Variants in U2AF1L4 observed in about 807,000 individuals in gnomAD.
U2AF1L4 encodes the protein splicing factor U2AF 26 kDa subunit.
A neutral mutation model predicts 21.7 loss-of-function variants in U2AF1L4; 21 were observed. That is an observed-to-expected ratio of 0.97 (90% CI 0.69 to 1.39). U2AF1L4 has a LOEUF of 1.39. U2AF1L4 is among the 40% of genes most tolerant of loss of function. The probability of loss-of-function intolerance (pLI) is 0.00; values close to 1 mark genes in which losing one functional copy is unlikely to be tolerated. For missense variants in U2AF1L4, 259 were observed against 245.7 expected (o/e 1.05, Z -0.36); for synonymous variants, 92 against 89.7 (o/e 1.03, Z -0.15).
Position 35,744,310 on chromosome 19 carries a change from G to A in U2AF1L4, c.231+13C>T, listed in dbSNP as rs371520231. ...CCTCCACTTCTGGGCCCTAAGTGGGGGGCAGCAAGCACCTTGACATAGACG... is the reference window on the plus strand; with the variant it reads ...CCTCCACTTCTGGGCCCTAAGTGGGAGGCAGCAAGCACCTTGACATAGACG... On this transcript the variant is annotated intron_variant, in intron 3 of 5. Coordinates refer to ENST00000378975, the MANE Select transcript of U2AF1L4 (RefSeq NM_001040425.3). The A allele has an allele frequency of 2.5e-6, 4 of 1,613,930 alleles. No individual in the cohort carries two copies. Among genetic ancestry groups the A allele is most frequent in the African/African-American group, 1.3e-5 (1 of 75,022 alleles).
chr19:35,744,601 C>A (rs1368490756), intron 2 of U2AF1L4, 180 bp from the exon 3 acceptor site: 1 of 1,538,640 alleles, frequency 6.5e-7, no homozygotes, highest in Admixed American at 2.0e-5. Context: ...GTTCACCTTG[C>A]CCCCAGGCCT....
intron 1 of U2AF1L4, 49 bp downstream of exon 1, chr19:35,745,299 T>C (rs944918445): frequency 6.3e-7 from 1 of 1,575,402 alleles, no homozygotes; most frequent in East Asian, 2.2e-5. Flanking sequence ...AGGACCCCAG[T>C]ACCCCGGCCC....
At chr19:35,742,518 A>G, downstream of U2AF1L4, 1 of 1,601,976 alleles carries the variant, frequency 6.2e-7, no homozygotes, top group East Asian at 2.2e-5. Flanking sequence ...AAACCACAGC[A>G]AAAGCAAGTT....
At chr19:35,743,686 CAAAAAA>C (rs36076889) in intron 5 of U2AF1L4, 117 bp downstream of exon 5, 196 of 494,634 alleles carry the variant, frequency 4.0e-4, no homozygotes, top group Middle Eastern at 1.6e-3. Flanking sequence ...GGCTCCATCT[CAAAAAA>C]AAAAAAAAAA....
rs1315238413 is a variant in U2AF1L4 at position 35,745,108 on chromosome 19, T to C, written c.132+17A>G. Reference sequence around the variant, plus strand: ...CCAGGGAGCCGTTAACCCCCGAGGCTCCGTGCCGGGTCTCACCTGGCTGAA... The same window carrying C: ...CCAGGGAGCCGTTAACCCCCGAGGCCCCGTGCCGGGTCTCACCTGGCTGAA... On this transcript the variant is annotated intron_variant, in intron 2 of 5. Coordinates refer to ENST00000378975, the MANE Select transcript of U2AF1L4 (RefSeq NM_001040425.3). 1.2e-6 allele frequency: 2 copies of C among 1,611,566 alleles called. No individual in the cohort carries two copies. Among genetic ancestry groups the C allele is most frequent in the Non-Finnish European group, 8.5e-7 (1 of 1,179,440 alleles).
chr19:35,743,385 A>C lies in U2AF1L4; in HGVS notation c.461+424T>G, dbSNP rs140442470. On this transcript the variant is annotated intron_variant, in intron 5 of 5. Coordinates refer to ENST00000378975, the MANE Select transcript of U2AF1L4 (RefSeq NM_001040425.3). ...CAAAACTCCGTCTCAAAAAAAAAAA[A>C]AAAAAAAAAAAAAAAAAACAGTCAG... 3.7e-4 allele frequency: 55 copies of C among 147,858 alleles called. 1 individual carries two copies. Among genetic ancestry groups the C allele is most frequent in the South Asian group, 9.0e-4 (11 of 12,228 alleles). 9.2% of individuals were successfully genotyped at this position (147,858 alleles called of 1,614,324 possible). A position where few individuals can be genotyped will look rare whatever the true frequency, so the allele number is the denominator to read the frequency against.
At chr19:35,743,716 G>C (rs1395325670) in intron 5 of U2AF1L4, 93 bp downstream of exon 5, 2 of 908,558 alleles carry the variant, frequency 2.2e-6, no homozygotes, top group Non-Finnish European at 3.4e-6. Context: ...AAAGATTCTT[G>C]GGAACGTGGT....
chr19:35,744,636 G>A (rs143169961), intron 2 of U2AF1L4: 5 of 1,536,514 alleles, frequency 3.3e-6, no homozygotes, highest in East Asian at 4.9e-5. Flanking sequence ...AGTGTGATCC[G>A]TCTGCAGTTT....
At chr19:35,745,276 C>T in intron 1 of U2AF1L4, 64 bp from the exon 2 acceptor site, 1 of 1,598,640 alleles carries the variant, frequency 6.3e-7, no homozygotes. Context: ...CCAGAAACAC[C>T]GCCCCACCAC....
At position 35,744,642 on chromosome 19, in the gene U2AF1L4, A is replaced by C. The variant is rs1008951236; in HGVS notation, c.133-221T>G. ...CTTACTCACAGTGTGATCCGTCTGC[A>C]GTTTGGGCTGTGTTCTGTGGATTCC... On this transcript the variant is annotated intron_variant, in intron 2 of 5. Coordinates refer to ENST00000378975, the MANE Select transcript of U2AF1L4 (RefSeq NM_001040425.3). 5.9e-6 allele frequency: 9 copies of C among 1,536,216 alleles called. No homozygotes were observed. In the African/African-American group the frequency reaches 1.2e-4, roughly 21 times the overall value.
At chr19:35,744,246 G>A in intron 3 of U2AF1L4, 77 bp downstream of exon 3, 5 of 1,606,502 alleles carry the variant, frequency 3.1e-6, no homozygotes, top group Non-Finnish European at 4.3e-6. Flanking sequence ...TGAAATTCAA[G>A]CTGAGAGCCT....
At position 35,742,701 on chromosome 19, in the gene U2AF1L4, G is replaced by T. The variant is rs746832247; in HGVS notation, c.*18C>A. On this transcript the variant is annotated 3_prime_UTR_variant, in exon 6 of 6. Transcript: ENST00000378975. The stretch of plus-strand genomic sequence containing the variant: ...ACATCTGTCCCTGTTGGGGGTGAAG[G>T]GTAAGGGGGCCAGGGCCTCAGAAGC... The T allele has an allele frequency of 6.2e-7, 1 of 1,611,654 alleles. No homozygotes were observed. The highest frequency in any genetic ancestry group is 1.1e-5 in the South Asian group (1 of 90,986).
chr19:35,743,377 A>T (rs1202228491), intron 5 of U2AF1L4: 1 of 108,910 alleles, frequency 9.2e-6, no homozygotes, highest in Admixed American at 9.7e-5. Flanking sequence ...CCGTCTCAAA[A>T]AAAAAAAAAA....
chr19:35,745,281 C>A lies in U2AF1L4; in HGVS notation c.44+67G>T, dbSNP rs1405951289. 4 of 1,599,560 alleles carry A rather than the reference C, an allele frequency of 2.5e-6. No homozygotes were observed. In the East Asian group the frequency reaches 6.7e-5, roughly 27 times the overall value. The stretch of plus-strand genomic sequence containing the variant: ...GCTGGGCACCCCAGAAACACCGCCC[C>A]ACCACCCAGGACCCCAGTACCCCGG... On this transcript the variant is annotated intron_variant, in intron 1 of 5. Coordinates refer to ENST00000378975, the MANE Select transcript of U2AF1L4 (RefSeq NM_001040425.3).
rs1307350784 is a variant in U2AF1L4, at chr19:35,743,843, G to A, written c.427C>T (p.Gln143Ter). 3 of 1,613,300 alleles carry A rather than the reference G, an allele frequency of 1.9e-6. No homozygotes were observed. Among genetic ancestry groups the A allele is most frequent in the Admixed American group, 3.3e-5 (2 of 59,898 alleles). ...GGTCCCCGCCCATAGAGCTGCCTCTGGAGGTTCTGGGAAATGGGCCGCAGA... is the reference window on the plus strand; with the variant it reads ...GGTCCCCGCCCATAGAGCTGCCTCTAGAGGTTCTGGGAAATGGGCCGCAGA... ...MHLRPISQNL[Q>*]RQLYGRGPRR... Residue 143 changes from glutamine to a stop codon, truncating the protein, a stop_gained, in exon 5 of 6, where the codon CAG (glutamine) becomes TAG (stop). Coordinates refer to ENST00000378975, the MANE Select transcript of U2AF1L4 (RefSeq NM_001040425.3). LOFTEE classifies it low-confidence loss of function (END_TRUNC).
In U2AF1L4 at chr19:35,745,250, G is replaced by A. The variant is rs776535892; in HGVS notation, c.45-38C>T. 2.5e-6 allele frequency: 4 copies of A among 1,606,618 alleles called. No homozygotes were observed. The South Asian group carries it at 4.4e-5, about 18-fold the overall frequency. The stretch of plus-strand genomic sequence containing the variant: ...CAAAGACAAAGGTGAACCGAGGGCC[G>A]GGGAAGCTGGGCACCCCAGAAACAC... On this transcript the variant is annotated intron_variant, in intron 1 of 5. Coordinates refer to ENST00000378975, the MANE Select transcript of U2AF1L4 (RefSeq NM_001040425.3).
intron 5 of U2AF1L4, 26 bp from the exon 6 acceptor site, chr19:35,742,829 T>A (rs1169377891): frequency 1.3e-6 from 2 of 1,598,610 alleles, no homozygotes; most frequent in South Asian, 2.2e-5. Context: ...TTGAGAGTTC[T>A]GTTAGAACCC....
intron 5 of U2AF1L4, 184 bp from the exon 6 acceptor site, chr19:35,742,987 C>A: frequency 3.1e-6 from 2 of 652,312 alleles, no homozygotes; most frequent in Non-Finnish European, 2.7e-6. Flanking sequence ...GCAATCCAGG[C>A]TGGTCGTGGA....
At chr19:35,745,020 G>C in intron 2 of U2AF1L4, 105 bp downstream of exon 2, 1 of 1,135,764 alleles carries the variant, frequency 8.8e-7, no homozygotes, top group Non-Finnish European at 1.3e-6. Context: ...CCGGGCGGTG[G>C]GGAGGGACTC....
Sources: allele counts gnomAD v4.1 joint callset, GRCh38; gene constraint gnomAD v4.1.1; transcripts MANE v1.5; gene names NCBI Gene and HGNC (gene_info 2026-07-23, HGNC 2026-07-21).